GRINA: variants seen among roughly 807,000 people sequenced by gnomAD.
The protein encoded by GRINA is protein lifeguard 1.
In GRINA, 26 loss-of-function variants were observed where a neutral mutation model predicts 42.5. The observed-to-expected ratio is 0.61, with a 90% CI of 0.45 to 0.85. The LOEUF (loss-of-function observed/expected upper bound fraction) is 0.85. GRINA is among the 40% of genes least tolerant of loss of function. The pLI is 0.00. For missense variants in GRINA, 475 were observed against 481.5 expected (o/e 0.99, Z 0.13); for synonymous variants, 256 against 204.2 (o/e 1.25, Z -2.17).
At position 143,991,011 on chromosome 8, in the gene GRINA, G is replaced by A. The variant is rs1369001767; in HGVS notation, c.-24-189G>A. On this transcript the variant is annotated intron_variant, in intron 1 of 6. Coordinates refer to ENST00000395068, the MANE Select transcript of GRINA (RefSeq NM_001009184.2). ...CCTAGAGCCCTGGGAAGGCCCCACG[G>A]CGCCGCCCGTCCGGTCCTCACGCGC... is the stretch of plus-strand genomic sequence containing the variant. The A allele has an allele frequency of 4.4e-5, 18 of 408,442 alleles. No homozygotes were observed. In the East Asian group the frequency reaches 7.3e-4, roughly 17 times the overall value. 25.3% of individuals were successfully genotyped at this position (408,442 alleles called of 1,614,324 possible).
In GRINA at chr8:143,991,760, A is replaced by G. The variant is rs782226443; in HGVS notation, c.448A>G (p.Thr150Ala). 1 of 1,613,794 alleles carries G rather than the reference A, an allele frequency of 6.2e-7. No homozygotes were observed. The highest frequency in any genetic ancestry group is 1.3e-5 in the African/African-American group (1 of 75,016). The change falls in exon 3 of 7, where the codon ACC becomes GCC. Residue 150 changes from threonine to alanine, a missense_variant. Thr to Ala is a moderately conservative substitution (Grantham distance 58). This residue lies in a region of GRINA where 321 missense variants were observed against 267.2 expected (regional missense o/e 1.20). Transcript: ENST00000395068. ...SYYDNQDFPA[T>A]NWDDKSIRQA... ...CTATGACAACCAGGACTTCCCTGCC[A>G]CCAACTGGGATGACAAGAGCATCCG...
chr8:143,990,070 C>A lies in GRINA; in HGVS notation c.-154C>A, dbSNP rs1834064538. 1 of 150,910 alleles carries A rather than the reference C, an allele frequency of 6.6e-6. No individual in the cohort carries two copies. The highest frequency in any genetic ancestry group is 1.5e-5 in the Non-Finnish European group (1 of 67,322). 9.3% of individuals were successfully genotyped at this position (150,910 alleles called of 1,614,324 possible). ...CCCGCCCCGTCACAAGGCCCCGCTG[C>A]GTCTTCCGAGCCGCAGGCGCAGGCC... On this transcript the variant is annotated 5_prime_UTR_variant, in exon 1 of 7. Coordinates refer to ENST00000395068, the MANE Select transcript of GRINA (RefSeq NM_001009184.2). This position sits in a 1 kb window ranked among gnomAD's most constrained non-coding sequence, Gnocchi z 5.6.
rs781910170 is a variant in GRINA, at chr8:143,992,346, C to T, written c.795C>T (p.Cys265=). 6.3e-7 allele frequency: 1 copy of T among 1,593,780 alleles called. No homozygotes were observed. The highest frequency in any genetic ancestry group is 8.6e-7 in the Non-Finnish European group (1 of 1,167,630). The change falls in exon 5 of 7, where the codon TGC becomes TGT. Residue 265 remains cysteine, a synonymous_variant. Transcript: ENST00000395068. ...IMAVGITTAV[C]FTVVIFSMQT... is the part of the protein sequence containing the mutation. ...CCGTGGGCATCACCACAGCCGTCTG[C>T]TTCACCGTCGTCATCTTCTCCATGC... is the stretch of plus-strand genomic sequence containing the variant.
At position 143,993,051 on chromosome 8, in the gene GRINA, G is replaced by A. The variant is rs573859221; in HGVS notation, c.*210G>A. On this transcript the variant is annotated 3_prime_UTR_variant, in exon 7 of 7. Transcript: ENST00000395068. ...ACAGCATGGCCCCTTTAGTCCTCCC[G>A]CCCCCGCCAAGGGGCACCAAGGCCA... 703 of 559,428 alleles carry A rather than the reference G, an allele frequency of 1.3e-3. 3 individuals carry two copies. Among genetic ancestry groups the A allele is most frequent in the Non-Finnish European group, 1.9e-3 (606 of 314,426 alleles). 34.7% of individuals were successfully genotyped at this position (559,428 alleles called of 1,614,324 possible).
At position 143,992,933 on chromosome 8, in the gene GRINA, C is replaced by A; in HGVS notation, c.*92C>A. 1 of 1,098,022 alleles carries A rather than the reference C, an allele frequency of 9.1e-7. No homozygotes were observed. Among genetic ancestry groups the A allele is most frequent in the Non-Finnish European group, 1.3e-6 (1 of 755,640 alleles). 68.0% of individuals were successfully genotyped at this position (1,098,022 alleles called of 1,614,324 possible). A position where few individuals can be genotyped will look rare whatever the true frequency, so the allele number is the denominator to read the frequency against. The stretch of plus-strand genomic sequence containing the variant: ...AGTGCCAGCTGTACTTCCCCTCTCT[C>A]TTGTCCCCAGGCACAGCCTAGGGAA... On this transcript the variant is annotated 3_prime_UTR_variant, in exon 7 of 7. Transcript: ENST00000395068.
At position 143,991,315 on chromosome 8, in the gene GRINA, C is replaced by G. The variant is rs782781264; in HGVS notation, c.92C>G (p.Pro31Arg). Residue 31 changes from proline (P) to arginine (R), a missense_variant, in exon 2 of 7, where the codon CCC (proline) becomes CGC (arginine). Coordinates refer to ENST00000395068, the MANE Select transcript of GRINA (RefSeq NM_001009184.2). Reference sequence around the variant, plus strand: ...GGGGGGCCCCAGCCACCCATGCCCCCCTATGCTCAGCCTCCCTACCCTGGG... The same window carrying G: ...GGGGGGCCCCAGCCACCCATGCCCCGCTATGCTCAGCCTCCCTACCCTGGG... ...YPGGPQPPMP[P>R]YAQPPYPGAP... 3.6e-6 allele frequency: 5 copies of G among 1,405,138 alleles called. No individual in the cohort carries two copies. Among genetic ancestry groups the G allele is most frequent in the African/African-American group, 1.4e-5 (1 of 69,314 alleles). 87.0% of individuals were successfully genotyped at this position (1,405,138 alleles called of 1,614,324 possible).
chr8:143,991,586 A>T lies in GRINA; in HGVS notation c.363A>T (p.Pro121=). ...PNPYGQPQVF[P]GQDPDSPQHG... is the part of the protein sequence containing the mutation. ...CCTATGGACAGCCACAGGTCTTCCC[A>T]GGACAAGACCCTGACTGTGAGTCTC... The change falls in exon 2 of 7, where the codon CCA becomes CCT. Residue 121 remains proline, a synonymous_variant. Transcript: ENST00000395068. The T allele has an allele frequency of 6.3e-7, 1 of 1,588,928 alleles. No individual in the cohort carries two copies. Among genetic ancestry groups the T allele is most frequent in the South Asian group, 1.1e-5 (1 of 90,526 alleles).
Position 143,992,356 on chromosome 8 carries a change from G to A in GRINA, c.805G>A (p.Val269Ile), listed in dbSNP as rs781563403. The A allele has an allele frequency of 1.3e-5, 20 of 1,597,818 alleles. No individual in the cohort carries two copies. The highest frequency in any genetic ancestry group is 2.2e-5 in the East Asian group (1 of 44,612). ...CACCACAGCCGTCTGCTTCACCGTC[G>A]TCATCTTCTCCATGCAGGTGAGGGG... ...GITTAVCFTV[V>I]IFSMQTRYDF... The change falls in exon 5 of 7, where the codon GTC becomes ATC. Residue 269 changes from valine to isoleucine, a missense_variant. By Grantham distance (29) the Val-to-Ile change is conservative. Around this residue, in one of 2 missense-constraint regions of GRINA, gnomAD observed 154 missense variants for 214.2 expected, o/e 0.72. Transcript: ENST00000395068.
intron 4 of GRINA, 22 bp from the exon 5 acceptor site, chr8:143,992,223 A>C (rs1554750657): frequency 1.2e-6 from 2 of 1,603,446 alleles, no homozygotes; most frequent in South Asian, 2.2e-5. Context: ...ACCCAAGGTC[A>C]GCCTGTGTCT....
rs142210885 is a variant in GRINA, at chr8:143,991,880, G to A, written c.495G>A (p.Val165=). ...KSIRQAFIRK[V]FLVLTLQLSV... is the part of the protein sequence containing the mutation. The stretch of plus-strand genomic sequence containing the variant: ...ACTCTGAGCGGCTCCTTCCCCAGGT[G>A]TTCCTAGTGCTGACCTTGCAGCTGT... The change falls in exon 4 of 7, where the codon GTG becomes GTA. Residue 165 remains valine, a splice_region_variant and synonymous_variant. Transcript: ENST00000395068. 9.9e-5 allele frequency: 160 copies of A among 1,610,916 alleles called. 1 individual carries two copies. In the African/African-American group the frequency reaches 1.9e-3, roughly 19 times the overall value.
Position 143,992,972 on chromosome 8 carries a change from T to A in GRINA, c.*131T>A. The A allele has an allele frequency of 8.2e-6, 6 of 730,544 alleles. No individual in the cohort carries two copies. The highest frequency in any genetic ancestry group is 1.1e-5 in the Non-Finnish European group (5 of 444,594). 45.3% of individuals were successfully genotyped at this position (730,544 alleles called of 1,614,324 possible). ...CAGCCTAGGGAAAAGGATGCCTCTC[T>A]CCAACCCTCCTGTATGTACACTGCA... On this transcript the variant is annotated 3_prime_UTR_variant, in exon 7 of 7. Transcript: ENST00000395068.
rs1371958965 is a variant in GRINA, at chr8:143,991,276, A to G, written c.53A>G (p.Asn18Ser). ...LVSGDNYPPP[N>S]PGYPGGPQPP... Reference sequence around the variant, plus strand: ...TCTGGGGACAACTATCCTCCCCCCAACCCTGGATATCCGGGGGGGCCCCAG... The same window carrying G: ...TCTGGGGACAACTATCCTCCCCCCAGCCCTGGATATCCGGGGGGGCCCCAG... The change falls in exon 2 of 7, where the codon AAC (asparagine) becomes AGC (serine). Residue 18 changes from asparagine to serine, a missense_variant. This residue lies in a region of GRINA where 321 missense variants were observed against 267.2 expected (regional missense o/e 1.20). Transcript: ENST00000395068. The G allele has an allele frequency of 3.3e-6, 5 of 1,529,822 alleles. No homozygotes were observed. The highest frequency in any genetic ancestry group is 1.9e-5 in the Admixed American group (1 of 51,338). The allele number at this position is 1,529,822 out of a possible 1,614,324, so 94.8% of individuals were successfully genotyped here.
At position 143,992,628 on chromosome 8, in the gene GRINA, G is replaced by C; in HGVS notation, c.966+20G>C. The C allele has an allele frequency of 6.2e-7, 1 of 1,614,070 alleles. No individual in the cohort carries two copies. Among genetic ancestry groups the C allele is most frequent in the Non-Finnish European group, 8.5e-7 (1 of 1,180,008 alleles). ...ACCTGCGTGAGTGAGGGGTGACCTT[G>C]GCCGGGGGCGGGATGCTGGGCAGGC... On this transcript the variant is annotated intron_variant, in intron 6 of 6. Transcript: ENST00000395068.
At position 143,992,333 on chromosome 8, in the gene GRINA, C is replaced by T; in HGVS notation, c.782C>T (p.Thr261Ile). 1 of 1,589,744 alleles carries T rather than the reference C, an allele frequency of 6.3e-7. No homozygotes were observed. The highest frequency in any genetic ancestry group is 8.6e-7 in the Non-Finnish European group (1 of 1,165,574). Residue 261 changes from threonine to isoleucine, a missense_variant, in exon 5 of 7, where the codon ACC becomes ATC. By Grantham distance (89) the Thr-to-Ile change is moderately conservative. This residue lies in a region of GRINA where 154 missense variants were observed against 214.2 expected (regional missense o/e 0.72). Transcript: ENST00000395068. ...GCAGTCATCATGGCCGTGGGCATCA[C>T]CACAGCCGTCTGCTTCACCGTCGTC... is the stretch of plus-strand genomic sequence containing the variant. Reference protein sequence around the residue: ...TEAVIMAVGITTAVCFTVVIF... With the variant: ...TEAVIMAVGIITAVCFTVVIF...
In GRINA at chr8:143,993,037, C is replaced by A. The variant is rs1363109634; in HGVS notation, c.*196C>A. 1 of 584,298 alleles carries A rather than the reference C, an allele frequency of 1.7e-6. No individual in the cohort carries two copies. The highest frequency in any genetic ancestry group is 3.0e-6 in the Non-Finnish European group (1 of 330,374). The allele number at this position is 584,298 out of a possible 1,614,324, so 36.2% of individuals were successfully genotyped here. On this transcript the variant is annotated 3_prime_UTR_variant, in exon 7 of 7. Transcript: ENST00000395068. ...GACCCGCTGTGGCCACAGCATGGCC[C>A]CTTTAGTCCTCCCGCCCCCGCCAAG...
Position 143,991,504 on chromosome 8 carries a change from ACC to A in GRINA, c.285_286del (p.Gln96ArgfsTer30). The A allele has an allele frequency of 6.5e-7, 1 of 1,537,506 alleles. No individual in the cohort carries two copies. The highest frequency in any genetic ancestry group is 8.7e-7 in the Non-Finnish European group (1 of 1,146,630). Reference sequence around the variant, plus strand: ...CAAGAGGGCTACCCACAGGGCCCCTACCCCCAAGGGGGCTACCCCCAGGGGCC... The same window carrying A: ...CAAGAGGGCTACCCACAGGGCCCCTACCCAAGGGGGCTACCCCCAGGGGCC... On this transcript the variant is annotated frameshift_variant, in exon 2 of 7. Coordinates refer to ENST00000395068, the MANE Select transcript of GRINA (RefSeq NM_001009184.2). LOFTEE classifies it high-confidence loss of function.
rs369098445 is a variant in GRINA at position 143,992,877 on chromosome 8, C to T, written c.*36C>T. Reference sequence around the variant, plus strand: ...GCTCGCTGTGCCCGCTCAGGTGGCACGGCTGGCCTGGACCCTGCCCCTGGC... The same window carrying T: ...GCTCGCTGTGCCCGCTCAGGTGGCATGGCTGGCCTGGACCCTGCCCCTGGC... On this transcript the variant is annotated 3_prime_UTR_variant, in exon 7 of 7. Coordinates refer to ENST00000395068, the MANE Select transcript of GRINA (RefSeq NM_001009184.2). 2.4e-5 allele frequency: 38 copies of T among 1,599,682 alleles called. No individual in the cohort carries two copies. The highest frequency in any genetic ancestry group is 8.0e-5 in the African/African-American group (6 of 74,704).
rs1254866567 is a variant in GRINA at position 143,990,556 on chromosome 8, G to C, written c.-25+357G>C. The stretch of plus-strand genomic sequence containing the variant: ...CCGCTTTGTTCCCCGCACGCCCCGT[G>C]GTCGCTTCCATCCCCCACACACCCC... On this transcript the variant is annotated intron_variant, in intron 1 of 6. Coordinates refer to ENST00000395068, the MANE Select transcript of GRINA (RefSeq NM_001009184.2). This position sits in a 1 kb window ranked among gnomAD's most constrained non-coding sequence, Gnocchi z 5.6. 6.6e-6 allele frequency: 1 copy of C among 151,820 alleles called. No homozygotes were observed. Among genetic ancestry groups the C allele is most frequent in the Non-Finnish European group, 1.5e-5 (1 of 67,992 alleles). The allele number at this position is 151,820 out of a possible 1,614,324, so 9.4% of individuals were successfully genotyped here.
chr8:143,991,243 T>G lies in GRINA; in HGVS notation c.20T>G (p.Phe7Cys). MSHEKS[F>C]LVSGDNYPPP... Reference sequence around the variant, plus strand: ...GAGGCCATGTCCCATGAAAAGAGTTTTTTGGTGTCTGGGGACAACTATCCT... The same window carrying G: ...GAGGCCATGTCCCATGAAAAGAGTTGTTTGGTGTCTGGGGACAACTATCCT... Residue 7 changes from phenylalanine (F) to cysteine (C), a missense_variant, in exon 2 of 7, where the codon TTT becomes TGT. Physicochemically the swap from Phe to Cys is radical, Grantham distance 205 (BLOSUM62 -2). This residue lies in a region of GRINA where 321 missense variants were observed against 267.2 expected (regional missense o/e 1.20). Coordinates refer to ENST00000395068, the MANE Select transcript of GRINA (RefSeq NM_001009184.2). 2 of 1,576,400 alleles carry G rather than the reference T, an allele frequency of 1.3e-6. No individual in the cohort carries two copies. The highest frequency in any genetic ancestry group is 1.7e-6 in the Non-Finnish European group (2 of 1,161,262).
Sources: gnomAD v4.1 joint callset for allele counts on GRCh38, gnomAD v4.1.1 for gene constraint, gnomAD v4.1.1 regional missense constraint, Gnocchi (gnomAD v3.1) non-coding constraint, MANE v1.5 for transcripts, NCBI Gene and HGNC (gene_info 2026-07-23, HGNC 2026-07-21) for gene names.